The following FRMPD3 variants were observed in gnomAD, a reference collection of about 807,000 sequenced individuals.
The protein encoded by FRMPD3 is FERM and PDZ domain-containing protein 3.
Under a neutral mutation model 97.9 loss-of-function variants are expected in FRMPD3, and 42 were observed. That is an observed-to-expected ratio of 0.43 (90% confidence interval 0.34 to 0.55). The LOEUF (loss-of-function observed/expected upper bound fraction) is 0.55. Among genes scored for constraint, FRMPD3 ranks in the 20% least tolerant of loss-of-function variants. The pLI is 0.03. For missense variants in FRMPD3, 1,303 were observed against 1,457.7 expected, an observed-to-expected ratio of 0.89 and a Z score of 1.73; for synonymous variants, 577 against 581.1, an observed-to-expected ratio of 0.99 and a Z score of 0.10.
At chrX:107,476,476 G>A (rs1229789743) in intron 1 of FRMPD3, among the ~76,000 whole-genome samples, 1 of 111,996 alleles carries the variant, frequency 8.9e-6, no homozygotes, top group African/African-American at 3.3e-5. Context: ...AGACCCCTTA[G>A]CTCCCGGTTG....
At position 107,600,659 on chromosome X, in the gene FRMPD3, T is replaced by C; in HGVS notation, c.2620T>C (p.Ser874Pro). ...EGQVQGERTY[S>P]LAVHPALSPQ... ...CCAGGTACAGGGAGAACGAACATAC[T>C]CCTTGGCAGTGCACCCAGCACTGTC... is the stretch of plus-strand genomic sequence containing the variant. The change falls in exon 15 of 15, where the codon TCC becomes CCC. Residue 874 changes from serine to proline, a missense_variant. Ser to Pro is a moderately conservative substitution (Grantham distance 74, BLOSUM62 -1). This residue lies in a region of FRMPD3 where 764 missense variants were observed against 820.2 expected (regional missense o/e 0.93). Transcript: ENST00000683843. 8.3e-7 allele frequency: 1 copy of C among 1,205,114 alleles called. No individual in the cohort carries two copies. Among genetic ancestry groups the C allele is most frequent in the Non-Finnish European group, 1.1e-6 (1 of 892,618 alleles).
At chrX:107,492,822 T>G (rs1405837904) in intron 1 of FRMPD3, among the ~76,000 whole-genome samples, 2 of 111,732 alleles carry the variant, frequency 1.8e-5, no homozygotes, top group Non-Finnish European at 3.8e-5. Context: ...TGGAACACAC[T>G]TTGGGGAAAT....
At chrX:107,465,166 C>G in intron 1 of FRMPD3, among the ~76,000 whole-genome samples, 1 of 111,217 alleles carries the variant, frequency 9.0e-6, no homozygotes, top group Middle Eastern at 4.6e-3. Flanking sequence ...ATGAGTGTAT[C>G]AACGTGAGAA....
intron 8 of FRMPD3, among the ~76,000 whole-genome samples, chrX:107,555,752 T>C (rs377080210): frequency 2.7e-5 from 3 of 111,788 alleles, no homozygotes; most frequent in East Asian, 5.6e-4. Flanking sequence ...AAAGAAATTC[T>C]GTGGGAGAGT....
chrX:107,561,686 G>A lies in FRMPD3; in HGVS notation c.1026+833G>A, dbSNP rs753386005. ...CAGCATGCAGATGTACATATGGGACGCAATCGCCCCATACATTCCTCCCAT... is the reference window on the plus strand; with the variant it reads ...CAGCATGCAGATGTACATATGGGACACAATCGCCCCATACATTCCTCCCAT... On this transcript the variant is annotated intron_variant, in intron 10 of 14. Transcript: ENST00000683843. 5.3e-5 allele frequency among the ~76,000 whole-genome samples: 6 copies of A among 112,520 alleles called. No homozygotes were observed. The South Asian group carries it at 1.5e-3, about 28-fold the overall frequency.
intron 13 of FRMPD3, among the ~76,000 whole-genome samples, chrX:107,596,670 A>G (rs970061935): frequency 1.8e-5 from 2 of 112,043 alleles, no homozygotes; most frequent in African/African-American, 6.5e-5. Context: ...CCCTCCTCCC[A>G]CATATGCACA....
At chrX:107,498,457 C>G (rs1419799898) in intron 1 of FRMPD3, among the ~76,000 whole-genome samples, 2 of 111,889 alleles carry the variant, frequency 1.8e-5, no homozygotes, top group Non-Finnish European at 3.8e-5. Flanking sequence ...CTTACAACGA[C>G]TTGAAGAAAA....
chrX:107,602,380 G>T lies in FRMPD3; in HGVS notation c.4341G>T (p.Thr1447=). Residue 1447 remains threonine (T), a synonymous_variant, in exon 15 of 15, where the codon ACG becomes ACT. Coordinates refer to ENST00000683843, the MANE Select transcript of FRMPD3 (RefSeq NM_001388459.1). ...AAAGCAGGTCTCTGGAGTCACCGAC[G>T]CTGGGAGACCCCTCCTACGTCCAGG... ...GPKSRSLESP[T]LGDPSYVQVA... is the part of the protein sequence containing the mutation. The T allele has an allele frequency of 8.3e-7, 1 of 1,210,625 alleles. No homozygotes were observed. The highest frequency in any genetic ancestry group is 1.1e-6 in the Non-Finnish European group (1 of 895,194).
intron 1 of FRMPD3, among the ~76,000 whole-genome samples, chrX:107,460,202 A>C (rs191423785): frequency 3.9e-4 from 44 of 111,503 alleles, no homozygotes; most frequent in African/African-American, 1.4e-3. Flanking sequence ...GATGGCAACA[A>C]CTGGCTTAGG....
At chrX:107,532,968 C>T (rs967962303) in intron 3 of FRMPD3, among the ~76,000 whole-genome samples, 1 of 111,888 alleles carries the variant, frequency 8.9e-6, no homozygotes, top group East Asian at 2.8e-4. Context: ...TGGCTTCCAT[C>T]TGTTGCTCCC....
intron 4 of FRMPD3, among the ~76,000 whole-genome samples, chrX:107,542,073 T>G (rs1482557099): frequency 3.6e-5 from 4 of 112,299 alleles, no homozygotes; most frequent in Non-Finnish European, 7.5e-5. Flanking sequence ...TTGCCTCATG[T>G]TTGTGGCACC....
At chrX:107,587,551 T>G (rs1050416959) in intron 13 of FRMPD3, among the ~76,000 whole-genome samples, 5 of 111,772 alleles carry the variant, frequency 4.5e-5, no homozygotes, top group Non-Finnish European at 9.4e-5. Flanking sequence ...ATGTCATTGG[T>G]CTTTATATTT....
intron 5 of FRMPD3, among the ~76,000 whole-genome samples, chrX:107,546,157 A>G (rs773080508): frequency 2.7e-5 from 3 of 112,028 alleles, no homozygotes; most frequent in Non-Finnish European, 5.6e-5. Context: ...CTTGATAGAA[A>G]CAGGAAGGAA....
Position 107,603,572 on chromosome X carries a change from C to A in FRMPD3, c.*199C>A. 1 of 805,874 alleles carries A rather than the reference C, an allele frequency of 1.2e-6. No homozygotes were observed. The highest frequency in any genetic ancestry group is 3.6e-5 in the East Asian group (1 of 27,744). The allele number at this position is 805,874 out of a possible 1,213,427, so 66.4% of individuals were successfully genotyped here. On this transcript the variant is annotated 3_prime_UTR_variant, in exon 15 of 15. Transcript: ENST00000683843. ...CAGGCTTAGCTGCCGCCCTGGGTGT[C>A]CTCACCCCTTCCCTGGCCTCTGGGC...
chrX:107,556,256 AG>A (rs1195888962), intron 8 of FRMPD3, among the ~76,000 whole-genome samples: 1 of 110,938 alleles, frequency 9.0e-6, no homozygotes, highest in Non-Finnish European at 1.9e-5. Context: ...CCAACCTTCT[AG>A]GAGGCAATGA....
chrX:107,519,798 G>A (rs749741126), intron 1 of FRMPD3, among the ~76,000 whole-genome samples: 1 of 111,608 alleles, frequency 9.0e-6, no homozygotes, highest in South Asian at 3.8e-4. Context: ...TGCAGGTCCC[G>A]GAGGACTTGA....
At chrX:107,577,906 A>G (rs1297070912) in intron 13 of FRMPD3, among the ~76,000 whole-genome samples, 2 of 111,893 alleles carry the variant, frequency 1.8e-5, no homozygotes, top group Non-Finnish European at 3.8e-5. Flanking sequence ...CCCAAGGCAT[A>G]TGAAGGAGAT....
At chrX:107,589,041 GT>G (rs1923787647) in intron 13 of FRMPD3, among the ~76,000 whole-genome samples, 1 of 111,577 alleles carries the variant, frequency 9.0e-6, no homozygotes, top group African/African-American at 3.3e-5. Flanking sequence ...GCTCAGCATA[GT>G]TTTTTATTAC....
At chrX:107,506,590 A>G (rs997439079) in intron 1 of FRMPD3, among the ~76,000 whole-genome samples, 2 of 112,648 alleles carry the variant, frequency 1.8e-5, no homozygotes, top group African/African-American at 6.5e-5. Context: ...TAAGTAAGCA[A>G]GTGGCAGCTG....
Sources: gnomAD v4.1 joint callset for allele counts (sites outside exome capture counted in the v4.1 genomes callset) on GRCh38, gnomAD v4.1.1 for gene constraint, gnomAD v4.1.1 regional missense constraint, MANE v1.5 for transcripts, NCBI Gene and HGNC (gene_info 2026-07-23, HGNC 2026-07-21) for gene names.